IGF1R: variants seen among roughly 807,000 people sequenced by gnomAD.
The protein encoded by IGF1R is insulin like growth factor 1 receptor.
Under a neutral mutation model 144.6 loss-of-function variants are expected in IGF1R, and 44 were observed. That is an observed-to-expected ratio of 0.30 (90% CI 0.24 to 0.39). The LOEUF (loss-of-function observed/expected upper bound fraction) is 0.39. IGF1R is among the 10% of genes least tolerant of loss of function. The pLI is 1.00. For synonymous variants in IGF1R, 795 were observed against 722.8 expected (o/e 1.10, Z -1.60); for missense variants, 1,355 against 1,833.7 (o/e 0.74, Z 4.77).
At chr15:98,685,910 A>C (rs1212232899) in intron 1 of IGF1R, among the ~76,000 whole-genome samples, 1 of 152,212 alleles carries the variant, frequency 6.6e-6, no homozygotes, top group East Asian at 1.9e-4. Flanking sequence ...TACTTAAAAG[A>C]ATTTTTTTAA....
intron 1 of IGF1R, among the ~76,000 whole-genome samples, chr15:98,706,579 AGG>A (rs561863384): frequency 3.1e-4 from 42 of 134,694 alleles, no homozygotes; most frequent in Admixed American, 1.8e-3. Flanking sequence ...TCCAACAATA[AGG>A]GATTGGTTAA....
intron 1 of IGF1R, among the ~76,000 whole-genome samples, chr15:98,653,052 A>G (rs1381001568): frequency 6.6e-6 from 1 of 150,836 alleles, no homozygotes. Context: ...CTTTTCATTT[A>G]TGAGTTTTTC....
intron 2 of IGF1R, among the ~76,000 whole-genome samples, chr15:98,828,773 G>GGT (rs2056945887): frequency 7.7e-6 from 1 of 129,202 alleles, no homozygotes; most frequent in Non-Finnish European, 1.6e-5. Context: ...TGCTGAGCAT[G>GGT]GTTTTTTTTT....
intron 1 of IGF1R, among the ~76,000 whole-genome samples, chr15:98,696,660 G>C (rs2053603978): frequency 6.6e-6 from 1 of 152,206 alleles, no homozygotes; most frequent in African/African-American, 2.4e-5. Flanking sequence ...CTAGAGTGCA[G>C]ATAAGAGAAT....
intron 18 of IGF1R, 99 bp downstream of exon 18, chr15:98,939,459 T>C (rs943605555): frequency 8.1e-6 from 9 of 1,109,776 alleles, no homozygotes; most frequent in Non-Finnish European, 1.1e-5. Context: ...TTCTAGTGTG[T>C]CCCTTGAGTG....
intron 2 of IGF1R, among the ~76,000 whole-genome samples, chr15:98,727,010 C>T (rs1342386558): frequency 6.6e-6 from 1 of 152,134 alleles, no homozygotes; most frequent in Non-Finnish European, 1.5e-5. Context: ...TGTGAGCCGC[C>T]ACACCTGGCC....
intron 10 of IGF1R, among the ~76,000 whole-genome samples, chr15:98,920,905 A>T (rs2151688995): frequency 1.3e-5 from 2 of 152,070 alleles, no homozygotes; most frequent in South Asian, 2.1e-4. Flanking sequence ...CCAGGTTCTG[A>T]CCTAAGGACC....
At position 98,916,060 on chromosome 15, in the gene IGF1R, G is replaced by C. The variant is rs745672550; in HGVS notation, c.1925G>C (p.Ser642Thr). The change falls in exon 9 of 21, where the codon AGT (serine) becomes ACT (threonine). Residue 642 changes from serine to threonine, a missense_variant. Transcript: ENST00000650285. ...CCCTCTCTGCCCAACGGCAACCTGA[G>C]TTACTACATTGTGCGCTGGCAGCGG... ...NPPSLPNGNL[S>T]YYIVRWQRQP... 2 of 1,614,164 alleles carry C rather than the reference G, an allele frequency of 1.2e-6. No individual in the cohort carries two copies. The highest frequency in any genetic ancestry group is 1.7e-6 in the Non-Finnish European group (2 of 1,180,020).
In IGF1R at chr15:98,959,124, G is replaced by C. The variant is rs2017126127; in HGVS notation, c.*1682G>C. 4.3e-6 allele frequency: 1 copy of C among 233,370 alleles called. No individual in the cohort carries two copies. The highest frequency in any genetic ancestry group is 2.2e-5 in the African/African-American group (1 of 45,460). The allele number at this position is 233,370 out of a possible 1,614,324, so 14.5% of individuals were successfully genotyped here. On this transcript the variant is annotated 3_prime_UTR_variant, in exon 21 of 21. Transcript: ENST00000650285. ...TAAATATTTCACACGTCTTTGTTCA[G>C]TGTTTCCACTCACCGTGGTTGAGAA...
At chr15:98,785,509 G>C (rs1426008593) in intron 2 of IGF1R, among the ~76,000 whole-genome samples, 1 of 152,128 alleles carries the variant, frequency 6.6e-6, no homozygotes, top group Non-Finnish European at 1.5e-5. Context: ...GCAAAATTTA[G>C]ATTTTAATAC....
intron 2 of IGF1R, among the ~76,000 whole-genome samples, chr15:98,883,988 C>G (rs1300155918): frequency 1.3e-5 from 2 of 152,194 alleles, no homozygotes; most frequent in Non-Finnish European, 2.9e-5. Flanking sequence ...TCCACAAATA[C>G]ATTATTATTG....
At chr15:98,657,642 C>G (rs1048322301) in intron 1 of IGF1R, among the ~76,000 whole-genome samples, 1 of 152,218 alleles carries the variant, frequency 6.6e-6, no homozygotes. Flanking sequence ...AATGAGTTCA[C>G]TGCATATGTT....
intron 18 of IGF1R, among the ~76,000 whole-genome samples, chr15:98,940,169 T>C (rs2016313207): frequency 6.6e-6 from 1 of 152,240 alleles, no homozygotes; most frequent in Non-Finnish European, 1.5e-5. Context: ...AGGATTCTCA[T>C]CTTCCCACTA....
chr15:98,828,087 G>T (rs1567149344), intron 2 of IGF1R, among the ~76,000 whole-genome samples: 2 of 152,194 alleles, frequency 1.3e-5, no homozygotes, highest in African/African-American at 4.8e-5. Flanking sequence ...CCCGCTGGGG[G>T]CATTCACCCT....
chr15:98,916,427 AATTTTTGT>A (rs1385824657), intron 9 of IGF1R: 2 of 559,280 alleles, frequency 3.6e-6, no homozygotes, highest in Non-Finnish European at 6.4e-6. Context: ...ATGCCCAGCT[AATTTTTGT>A]ATTTTTAGTA....
At chr15:98,850,543 C>T (rs1442861440) in intron 2 of IGF1R, among the ~76,000 whole-genome samples, 1 of 152,232 alleles carries the variant, frequency 6.6e-6, no homozygotes, top group Admixed American at 6.5e-5. Context: ...AACGAGGCCT[C>T]TCTGAGGTGC....
chr15:98,816,463 G>A (rs906327320), intron 2 of IGF1R, among the ~76,000 whole-genome samples: 9 of 152,104 alleles, frequency 5.9e-5, no homozygotes, highest in African/African-American at 2.2e-4. Flanking sequence ...AACCCTAGCC[G>A]GCCATCACTC....
chr15:98,848,565 A>AC (rs1249745110), intron 2 of IGF1R, among the ~76,000 whole-genome samples: 4 of 152,238 alleles, frequency 2.6e-5, no homozygotes, highest in Non-Finnish European at 5.9e-5. Context: ...AGCTTAAGGA[A>AC]CATCATCCTC....
At chr15:98,736,687 C>G (rs868235521) in intron 2 of IGF1R, among the ~76,000 whole-genome samples, 14 of 148,930 alleles carry the variant, frequency 9.4e-5, no homozygotes, top group African/African-American at 2.7e-4. Context: ...TCTCGGCTTA[C>G]TGCAACCTCT....
Sources: allele counts gnomAD v4.1 joint callset (sites outside exome capture counted in the v4.1 genomes callset), GRCh38; gene constraint gnomAD v4.1.1; transcripts MANE v1.5; gene names NCBI Gene and HGNC (gene_info 2026-07-23, HGNC 2026-07-21).